The following TTC1 variants were observed in gnomAD, a reference collection of about 807,000 sequenced individuals.
TTC1 encodes tetratricopeptide repeat protein 1.
A neutral mutation model predicts 37.6 loss-of-function variants in TTC1; 31 were observed. The ratio of observed to expected loss-of-function variants is 0.82; its 90% CI spans 0.62 to 1.11. The LOEUF (loss-of-function observed/expected upper bound fraction) is 1.11. TTC1 is among the 50% of genes most tolerant of loss of function. TTC1 has a pLI of 0.00. For synonymous variants in TTC1, 127 were observed against 122.4 expected (o/e 1.04, Z -0.25); for missense variants, 351 against 339.0 (o/e 1.04, Z -0.28).
chr5:160,065,240 C>T lies in TTC1; in HGVS notation c.*175C>T, dbSNP rs766315451. 7 of 917,870 alleles carry T rather than the reference C, an allele frequency of 7.6e-6. No homozygotes were observed. The highest frequency in any genetic ancestry group is 2.0e-5 in the Admixed American group (1 of 50,084). The allele number at this position is 917,870 out of a possible 1,614,324, so 56.9% of individuals were successfully genotyped here. ...TTTATGATCAGGGTGAAATGTACTT[C>T]CTGATGTAATGAACCTAATTTGATT... is the stretch of plus-strand genomic sequence containing the variant. On this transcript the variant is annotated 3_prime_UTR_variant, in exon 8 of 8. Coordinates refer to ENST00000231238, the MANE Select transcript of TTC1 (RefSeq NM_003314.3).
chr5:160,055,546 T>G (rs1015208466), intron 7 of TTC1, among the ~76,000 whole-genome samples: 2 of 152,262 alleles, frequency 1.3e-5, no homozygotes, highest in Admixed American at 6.5e-5. Flanking sequence ...CATCAGCACC[T>G]GAGAACCTGC....
intron 7 of TTC1, 107 bp downstream of exon 7, chr5:160,051,290 C>T (rs1757398673): frequency 1.2e-6 from 1 of 845,176 alleles, no homozygotes; most frequent in Non-Finnish European, 1.8e-6. Flanking sequence ...TCGGACTCTA[C>T]CACAAGGCTA....
intron 2 of TTC1, among the ~76,000 whole-genome samples, chr5:160,025,335 G>GT (rs1029062802): frequency 6.6e-6 from 1 of 151,560 alleles, no homozygotes; most frequent in African/African-American, 2.4e-5. Context: ...CCTAATTTTT[G>GT]TTTTTTAGTA....
At chr5:160,042,822 A>G (rs1028307319) in intron 4 of TTC1, among the ~76,000 whole-genome samples, 7 of 152,182 alleles carry the variant, frequency 4.6e-5, no homozygotes, top group East Asian at 1.9e-4. Flanking sequence ...TTAGGTCACA[A>G]AGTTTCTCAG....
intron 7 of TTC1, among the ~76,000 whole-genome samples, chr5:160,064,622 C>G (rs1753544078): frequency 6.6e-6 from 1 of 152,162 alleles, no homozygotes; most frequent in African/African-American, 2.4e-5. Flanking sequence ...ACCCCAGAAG[C>G]CTGTGTCCTC....
At chr5:160,013,927 A>G (rs1430633584) in intron 2 of TTC1, among the ~76,000 whole-genome samples, 2 of 152,166 alleles carry the variant, frequency 1.3e-5, no homozygotes, top group African/African-American at 4.8e-5. Context: ...AGATAGGGCT[A>G]TCAATAGACT....
intron 3 of TTC1, among the ~76,000 whole-genome samples, chr5:160,035,954 T>TG (rs1756992820): frequency 6.7e-6 from 1 of 148,194 alleles, no homozygotes; most frequent in African/African-American, 2.4e-5. Context: ...ATTTTAGGGT[T>TG]TTTTTTTTTT....
intron 2 of TTC1, among the ~76,000 whole-genome samples, chr5:160,013,406 A>AG (rs1756537233): frequency 1.3e-5 from 2 of 152,136 alleles, no homozygotes. Flanking sequence ...ACTAAAAAAA[A>AG]AAAATGGCCA....
At chr5:160,050,655 G>T (rs1757378116) in intron 6 of TTC1, among the ~76,000 whole-genome samples, 1 of 146,830 alleles carries the variant, frequency 6.8e-6, no homozygotes, top group South Asian at 2.2e-4. Flanking sequence ...TTTGAGAAAG[G>T]GTCTCTGACT....
intron 2 of TTC1, among the ~76,000 whole-genome samples, chr5:160,017,543 G>C (rs1296160280): frequency 7.9e-5 from 12 of 152,118 alleles, no homozygotes; most frequent in South Asian, 2.1e-4. Flanking sequence ...ATTTTGGAGG[G>C]ACACATTCAG....
At chr5:160,049,427 A>T (rs531817496) in intron 5 of TTC1, 87 bp from the exon 6 acceptor site, 48 of 1,236,410 alleles carry the variant, frequency 3.9e-5, no homozygotes, top group Non-Finnish European at 5.0e-5. Context: ...GTATCCTTGG[A>T]GGATGATTGA....
intron 2 of TTC1, chr5:160,023,797 C>T: frequency 6.2e-7 from 1 of 1,613,486 alleles, no homozygotes. Context: ...TGTGCCTTGC[C>T]CTCTTGCCTG....
chr5:160,040,679 T>C (rs1363221402), intron 4 of TTC1, among the ~76,000 whole-genome samples: 1 of 152,026 alleles, frequency 6.6e-6, no homozygotes, highest in Non-Finnish European at 1.5e-5. Flanking sequence ...CCTGGACTCA[T>C]GCGATCCTCC....
chr5:160,052,506 A>AT (rs1261492078), intron 7 of TTC1, among the ~76,000 whole-genome samples: 1 of 120,936 alleles, frequency 8.3e-6, no homozygotes, highest in Admixed American at 1.1e-4. Context: ...GGAAAAGAGC[A>AT]TTTTCTCACC....
chr5:160,017,967 T>G (rs1237467339), intron 2 of TTC1, among the ~76,000 whole-genome samples: 3 of 152,176 alleles, frequency 2.0e-5, no homozygotes. Flanking sequence ...AATGTTAACA[T>G]GAAGGATGGG....
chr5:160,059,478 C>G (rs947300754), intron 7 of TTC1, among the ~76,000 whole-genome samples: 5 of 152,204 alleles, frequency 3.3e-5, no homozygotes, highest in Non-Finnish European at 7.3e-5. Flanking sequence ...TCCATATAAG[C>G]AATAAGGCTG....
intron 7 of TTC1, 126 bp from the exon 8 acceptor site, chr5:160,064,806 A>G: frequency 9.9e-7 from 1 of 1,009,312 alleles, no homozygotes; most frequent in South Asian, 1.7e-5. Flanking sequence ...TATTAAAAGT[A>G]GGCATTTCTT....
Position 160,065,200 on chromosome 5 carries a change from C to A in TTC1, c.*135C>A. 1 of 1,180,724 alleles carries A rather than the reference C, an allele frequency of 8.5e-7. No homozygotes were observed. The highest frequency in any genetic ancestry group is 1.4e-5 in the South Asian group (1 of 74,022). 73.1% of individuals were successfully genotyped at this position (1,180,724 alleles called of 1,614,324 possible). A position where few individuals can be genotyped will look rare whatever the true frequency, so the allele number is the denominator to read the frequency against. ...AAAGGCTATCCAGTAGAGCCCAGTG[C>A]TCCCTTGTCCCTCTTTTATGATCAG... is the stretch of plus-strand genomic sequence containing the variant. On this transcript the variant is annotated 3_prime_UTR_variant, in exon 8 of 8. Transcript: ENST00000231238.
chr5:160,036,097 T>A (rs1282817987), intron 3 of TTC1, among the ~76,000 whole-genome samples: 4 of 152,168 alleles, frequency 2.6e-5, no homozygotes, highest in South Asian at 4.1e-4. Flanking sequence ...GGCAATTTTC[T>A]ATTAGTATCC....
Sources: allele counts gnomAD v4.1 joint callset (sites outside exome capture counted in the v4.1 genomes callset), GRCh38; gene constraint gnomAD v4.1.1; transcripts MANE v1.5; gene names NCBI Gene and HGNC (gene_info 2026-07-23, HGNC 2026-07-21).